ERCC4: variants seen among roughly 807,000 people sequenced by gnomAD.
ERCC4 encodes the protein ERCC excision repair 4, endonuclease catalytic subunit.
ERCC4 carries 65 observed loss-of-function variants against 76.9 expected under a neutral mutation model. The ratio of observed to expected loss-of-function variants is 0.84; its 90% CI spans 0.69 to 1.04. The LOEUF (loss-of-function observed/expected upper bound fraction) is 1.04, where lower values mean the gene tolerates loss of function less well. Among genes scored for constraint, ERCC4 ranks in the 50% least tolerant of loss-of-function variants. The pLI is 0.00. For synonymous variants in ERCC4, 463 were observed against 410.1 expected (o/e 1.13, Z -1.56); for missense variants, 1,214 against 1,128.2 (o/e 1.08, Z -1.09).
chr16:13,928,079 A>G lies in ERCC4; in HGVS notation c.636A>G (p.Val212=). The part of the protein sequence containing the change: ...SFLEQHKPEV[V]EIHVSMTPTM... ...TAGAACAGCACAAACCTGAAGTTGTAGAAATCCATGTTTCTATGACACCTA... is the reference window on the plus strand; with the variant it reads ...TAGAACAGCACAAACCTGAAGTTGTGGAAATCCATGTTTCTATGACACCTA... Residue 212 remains valine, a synonymous_variant, in exon 4 of 11, where the codon GTA becomes GTG. Coordinates refer to ENST00000311895, the MANE Select transcript of ERCC4 (RefSeq NM_005236.3). 6.2e-7 allele frequency: 1 copy of G among 1,613,856 alleles called. No individual in the cohort carries two copies. Among genetic ancestry groups the G allele is most frequent in the Non-Finnish European group, 8.5e-7 (1 of 1,179,876 alleles).
At chr16:13,930,137 T>A (rs1264231543) in intron 4 of ERCC4, among the ~76,000 whole-genome samples, 1 of 152,120 alleles carries the variant, frequency 6.6e-6, no homozygotes, top group African/African-American at 2.4e-5. Flanking sequence ...CAAACTAAAT[T>A]TTTCATTTCT....
At position 13,920,384 on chromosome 16, in the gene ERCC4, C is replaced by CT; in HGVS notation, c.207+13dup. 6.4e-7 allele frequency: 1 copy of CT among 1,553,898 alleles called. No individual in the cohort carries two copies. The highest frequency in any genetic ancestry group is 8.6e-7 in the Non-Finnish European group (1 of 1,156,356). ...AGCCGGCCGAGGAGGTGCGGCCGCG[C>CT]TGGCGCGGGAGTGAGGGGACTCCGA... On this transcript the variant is annotated intron_variant, in intron 1 of 10. Transcript: ENST00000311895.
chr16:13,927,460 G>A (rs963776148), intron 3 of ERCC4: 10 of 156,922 alleles, frequency 6.4e-5, no homozygotes, highest in African/African-American at 2.2e-4. Context: ...TTGGGAGGCT[G>A]AGGCAGGAGA....
Position 13,921,276 on chromosome 16 carries a change from T to A in ERCC4, c.208-755T>A, listed in dbSNP as rs141263442. On this transcript the variant is annotated intron_variant, in intron 1 of 10. Transcript: ENST00000311895. Reference sequence around the variant, plus strand: ...GATTGGAGCTTGACGCTGAGGATGTTGGCAAAGGTTAACTACAGTTAAGGA... The same window carrying A: ...GATTGGAGCTTGACGCTGAGGATGTAGGCAAAGGTTAACTACAGTTAAGGA... Among the ~76,000 whole-genome samples, 403 of 152,256 alleles carry A rather than the reference T, an allele frequency of 2.6e-3. 1 individual carries two copies. The highest frequency in any genetic ancestry group is 9.4e-3 in the African/African-American group (391 of 41,532).
chr16:13,949,797 A>G lies in ERCC4; in HGVS notation c.*1450A>G, dbSNP rs1227028665. Reference sequence around the variant, plus strand: ...TTTGTTCACATGTTGAGTAATGGGTAGTAAATTTTCTACCTCAGGAGCTGA... The same window carrying G: ...TTTGTTCACATGTTGAGTAATGGGTGGTAAATTTTCTACCTCAGGAGCTGA... On this transcript the variant is annotated 3_prime_UTR_variant, in exon 11 of 11. Transcript: ENST00000311895. 10 of 231,952 alleles carry G rather than the reference A, an allele frequency of 4.3e-5. No homozygotes were observed. Among genetic ancestry groups the G allele is most frequent in the Admixed American group, 2.8e-4 (5 of 17,746 alleles). The allele number at this position is 231,952 out of a possible 1,614,324, so 14.4% of individuals were successfully genotyped here.
chr16:13,943,351 G>A (rs1438258670), intron 9 of ERCC4, among the ~76,000 whole-genome samples: 2 of 152,148 alleles, frequency 1.3e-5, no homozygotes, highest in Non-Finnish European at 2.9e-5. Context: ...GGAGGCCTTG[G>A]GAAACTTACA....
intron 7 of ERCC4, 185 bp from the exon 8 acceptor site, chr16:13,934,961 A>T (rs1395930520): frequency 1.8e-6 from 1 of 569,690 alleles, no homozygotes; most frequent in African/African-American, 1.9e-5. Flanking sequence ...AGATTTAAGT[A>T]ATCTTGCCAG....
At chr16:13,945,575 G>T (rs1393235818) in intron 10 of ERCC4, among the ~76,000 whole-genome samples, 2 of 152,200 alleles carry the variant, frequency 1.3e-5, no homozygotes, top group Non-Finnish European at 2.9e-5. Context: ...GTAGACTTTA[G>T]AATAACCTCA....
chr16:13,947,404 C>A (rs1330855577), intron 10 of ERCC4, among the ~76,000 whole-genome samples: 1 of 152,228 alleles, frequency 6.6e-6, no homozygotes, highest in East Asian at 1.9e-4. Flanking sequence ...GACAGTCTAA[C>A]TTTCCTATTA....
At chr16:13,925,552 T>TA (rs3136080) in intron 2 of ERCC4, among the ~76,000 whole-genome samples, 33,473 of 152,184 alleles carry the variant, frequency 0.22, 4,375 homozygotes, top group Middle Eastern at 0.33. Flanking sequence ...ATCCAAAACT[T>TA]AAACATTAAA....
chr16:13,943,063 A>G (rs921276237), intron 9 of ERCC4, among the ~76,000 whole-genome samples: 1 of 152,212 alleles, frequency 6.6e-6, no homozygotes, highest in African/African-American at 2.4e-5. Flanking sequence ...CCCCCTTGTG[A>G]TCTACTTATA....
rs139782718 is a variant in ERCC4, at chr16:13,944,826, C to T, written c.2008C>T (p.Arg670Trp). 3 of 1,607,770 alleles carry T rather than the reference C, an allele frequency of 1.9e-6. No homozygotes were observed. The highest frequency in any genetic ancestry group is 1.3e-5 in the African/African-American group (1 of 74,754). Residue 670 changes from arginine (R) to tryptophan (W), a missense_variant, in exon 10 of 11, where the codon CGG becomes TGG. Arg to Trp is a moderately radical substitution (Grantham distance 101, BLOSUM62 -3). Transcript: ENST00000311895. Reference protein sequence around the residue: ...TASADVSTDTRKAGGQEQNGT... With the variant: ...TASADVSTDTWKAGGQEQNGT... ...ATCTGCAGATGTTTCCACTGACACT[C>T]GGAAAGCCGGTGAGTCCTGCACTTT...
At chr16:13,924,682 A>G (rs3136076) in intron 2 of ERCC4, among the ~76,000 whole-genome samples, 1,727 of 152,276 alleles carry the variant, frequency 0.011, 39 homozygotes, top group African/African-American at 0.037. Flanking sequence ...TCACCCGTAC[A>G]TTGGTGATAA....
rs148505736 is a variant in ERCC4 at position 13,944,313 on chromosome 16, A to G, written c.1905-410A>G. On this transcript the variant is annotated intron_variant, in intron 9 of 10. Coordinates refer to ENST00000311895, the MANE Select transcript of ERCC4 (RefSeq NM_005236.3). ...TTCTTAATGATTTTTAACCACCCCT[A>G]TTTGTGATTACCCTGAAAATGTTTG... Among the ~76,000 whole-genome samples the G allele has an allele frequency of 6.6e-5, 10 of 152,122 alleles. No individual in the cohort carries two copies. In the East Asian group the frequency reaches 1.7e-3, roughly 26 times the overall value.
intron 1 of ERCC4, 26 bp downstream of exon 1, chr16:13,920,398 A>G (rs752078417): frequency 3.9e-6 from 6 of 1,540,222 alleles, no homozygotes; most frequent in Middle Eastern, 2.2e-4. Flanking sequence ...CGCGGGAGTG[A>G]GGGGACTCCG....
intron 7 of ERCC4, chr16:13,934,732 C>A: frequency 8.6e-6 from 2 of 232,926 alleles, no homozygotes; most frequent in Admixed American, 1.0e-4. Flanking sequence ...TCTATTACTT[C>A]AATATGTAAT....
chr16:13,933,136 G>C (rs2032216067), intron 6 of ERCC4: 1 of 336,306 alleles, frequency 3.0e-6, no homozygotes, highest in Admixed American at 3.8e-5. Flanking sequence ...GAGAGGCTAA[G>C]GTGAGCCCAG....
In ERCC4 at chr16:13,931,854, T is replaced by G. The variant is rs3136118; in HGVS notation, c.974-303T>G. The G allele has an allele frequency of 0.085, 27,344 of 322,112 alleles. 1,990 individuals carry two copies. The highest frequency in any genetic ancestry group is 0.24 in the African/African-American group (11,216 of 47,338). 20.0% of individuals were successfully genotyped at this position (322,112 alleles called of 1,614,324 possible). A position where few individuals can be genotyped will look rare whatever the true frequency, so the allele number is the denominator to read the frequency against. On this transcript the variant is annotated intron_variant, in intron 5 of 10. Coordinates refer to ENST00000311895, the MANE Select transcript of ERCC4 (RefSeq NM_005236.3). ...TGCAAATATTAAAATAACTTGCTTT[T>G]ACGCCATCACTGGAAATGTCAACGC...
chr16:13,931,772 G>GT, intron 5 of ERCC4: 1 of 195,986 alleles, frequency 5.1e-6, no homozygotes, highest in Non-Finnish European at 1.0e-5. Context: ...AAGAAGCTGT[G>GT]TTTTAAATGA....
Sources: gnomAD v4.1 joint callset for allele counts (sites outside exome capture counted in the v4.1 genomes callset) on GRCh38, gnomAD v4.1.1 for gene constraint, MANE v1.5 for transcripts, NCBI Gene and HGNC (gene_info 2026-07-23, HGNC 2026-07-21) for gene names.